ITM2B: variants seen among roughly 807,000 people sequenced by gnomAD.
The protein encoded by ITM2B is integral membrane protein 2B.
ITM2B carries 11 observed loss-of-function variants against 27.8 expected under a neutral mutation model. The observed-to-expected ratio is 0.40, with a 90% CI of 0.25 to 0.66. ITM2B has a LOEUF of 0.66. Among genes scored for constraint, ITM2B ranks in the 30% least tolerant of loss-of-function variants. The probability of loss-of-function intolerance (pLI) is 0.43; values close to 1 mark genes in which losing one functional copy is unlikely to be tolerated. For synonymous variants in ITM2B, 114 were observed against 114.3 expected (o/e 1.00, Z 0.02); for missense variants, 296 against 328.9 (o/e 0.90, Z 0.77).
chr13:48,259,015 G>A, intron 5 of ITM2B, 68 bp downstream of exon 5: 1 of 1,211,900 alleles, frequency 8.3e-7, no homozygotes, highest in Non-Finnish European at 1.2e-6. Context: ...TTTAGGTGAA[G>A]CCTAGTCATT....
chr13:48,236,216 G>T (rs1488094856), intron 1 of ITM2B, among the ~76,000 whole-genome samples: 1 of 152,180 alleles, frequency 6.6e-6, no homozygotes, highest in Non-Finnish European at 1.5e-5. Flanking sequence ...TAGAGCTATA[G>T]AGACAGCAAA....
Position 48,233,374 on chromosome 13 carries a change from C to A in ITM2B, c.14C>A (p.Thr5Lys). 6.4e-7 allele frequency: 1 copy of A among 1,561,504 alleles called. No individual in the cohort carries two copies. Among genetic ancestry groups the A allele is most frequent in the Non-Finnish European group, 8.6e-7 (1 of 1,156,148 alleles). The change falls in exon 1 of 6, where the codon ACG becomes AAG. Residue 5 changes from threonine (T) to lysine (K), a missense_variant. Physicochemically the swap from Thr to Lys is moderately conservative, Grantham distance 78 (BLOSUM62 -1). Coordinates refer to ENST00000647800, the MANE Select transcript of ITM2B (RefSeq NM_021999.5). Reference sequence around the variant, plus strand: ...CCAGGCCGCGCCATGGTGAAGGTGACGTTCAACTCCGCTCTGGCCCAGAAG... The same window carrying A: ...CCAGGCCGCGCCATGGTGAAGGTGAAGTTCAACTCCGCTCTGGCCCAGAAG... MVKVTFNSALAQKEA... is the reference protein window; with the variant it reads MVKVKFNSALAQKEA...
At chr13:48,234,757 G>A (rs1951657333) in intron 1 of ITM2B, among the ~76,000 whole-genome samples, 1 of 152,162 alleles carries the variant, frequency 6.6e-6, no homozygotes, top group Non-Finnish European at 1.5e-5. Context: ...GACTTGCCTT[G>A]CCTTGAAATA....
intron 1 of ITM2B, among the ~76,000 whole-genome samples, chr13:48,237,944 A>T (rs1396724080): frequency 2.6e-5 from 4 of 152,186 alleles, no homozygotes; most frequent in African/African-American, 9.6e-5. Flanking sequence ...ATCCTCTTAA[A>T]TTTTTTGGCA....
intron 2 of ITM2B, among the ~76,000 whole-genome samples, chr13:48,255,538 A>G (rs560811254): frequency 8.0e-4 from 122 of 152,158 alleles, no homozygotes; most frequent in Non-Finnish European, 1.2e-3. Flanking sequence ...CAAGCAGTCC[A>G]TCTGTCTCAG....
intron 3 of ITM2B, 60 bp downstream of exon 3, chr13:48,256,443 A>G (rs1951789639): frequency 1.6e-6 from 2 of 1,267,402 alleles, no homozygotes; most frequent in African/African-American, 1.5e-5. Context: ...TGCTTTTTGT[A>G]GTTTTAATTT....
chr13:48,243,816 CAAAA>C (rs924204395), intron 1 of ITM2B, among the ~76,000 whole-genome samples: 2 of 147,728 alleles, frequency 1.4e-5, no homozygotes, highest in Middle Eastern at 3.4e-3. Flanking sequence ...GACCCTGTCT[CAAAA>C]AAAAATTAAT....
At chr13:48,242,231 A>G (rs1425737559) in intron 1 of ITM2B, among the ~76,000 whole-genome samples, 2 of 152,106 alleles carry the variant, frequency 1.3e-5, no homozygotes, top group Non-Finnish European at 1.5e-5. Flanking sequence ...CCATTCTTGT[A>G]TAACAACTTT....
chr13:48,261,116 A>G (rs773938417), intron 5 of ITM2B, 23 bp from the exon 6 acceptor site: 12 of 1,565,370 alleles, frequency 7.7e-6, no homozygotes, highest in Non-Finnish European at 9.6e-6. Context: ...AAATTTTAAA[A>G]AACTTTTTTC....
At chr13:48,252,683 C>G (rs7984795) in intron 1 of ITM2B, among the ~76,000 whole-genome samples, 52,306 of 152,046 alleles carry the variant, frequency 0.34, 9,946 homozygotes, top group African/African-American at 0.52. Context: ...GTTTTTCTTT[C>G]TAATTTTATA....
At chr13:48,249,462 C>T (rs888149788) in intron 1 of ITM2B, among the ~76,000 whole-genome samples, 6 of 152,122 alleles carry the variant, frequency 3.9e-5, no homozygotes, top group African/African-American at 1.4e-4. Flanking sequence ...ATTTTTGACT[C>T]AGTTGATTTT....
chr13:48,234,111 A>G (rs753703032), intron 1 of ITM2B, among the ~76,000 whole-genome samples: 4 of 152,324 alleles, frequency 2.6e-5, no homozygotes, highest in Middle Eastern at 6.8e-3. Flanking sequence ...AGTAAAGGCC[A>G]GTAATGACTA....
Position 48,240,298 on chromosome 13 carries a change from C to T in ITM2B, c.117+6821C>T, listed in dbSNP as rs559080524. Among the ~76,000 whole-genome samples the T allele has an allele frequency of 3.2e-3, 492 of 152,214 alleles. 8 individuals carry two copies. The highest frequency in any genetic ancestry group is 0.011 in the African/African-American group (475 of 41,538). ...TTGGCTCACTGCAGCCTCTGCCTCC[C>T]GGGTTCAAGTGATTCTCCTGCCTCA... On this transcript the variant is annotated intron_variant, in intron 1 of 5. Coordinates refer to ENST00000647800, the MANE Select transcript of ITM2B (RefSeq NM_021999.5).
At chr13:48,253,669 G>C in intron 1 of ITM2B, 139 bp from the exon 2 acceptor site, 1 of 849,554 alleles carries the variant, frequency 1.2e-6, no homozygotes, top group South Asian at 1.4e-5. Flanking sequence ...TTCCTGGGTT[G>C]ATTTTGATGA....
At chr13:48,245,554 T>C (rs1951719804) in intron 1 of ITM2B, among the ~76,000 whole-genome samples, 1 of 152,080 alleles carries the variant, frequency 6.6e-6, no homozygotes, top group South Asian at 2.1e-4. Context: ...GTTTTTTTTT[T>C]CAAGTTCCAA....
chr13:48,268,037 G>A lies in ITM2B; in HGVS notation c.*6813G>A, dbSNP rs1350557750. ...TTTCATTGCCCCAGAAAATACCATT[G>A]TGCTCCTTTCCGGCAAATATTCCTT... On this transcript the variant is annotated 3_prime_UTR_variant, in exon 6 of 6. Transcript: ENST00000647800. The A allele has an allele frequency of 9.9e-5, 15 of 152,120 alleles. No homozygotes were observed. 9.4% of individuals were successfully genotyped at this position (152,120 alleles called of 1,614,324 possible).
At chr13:48,257,664 A>G (rs1339935007) in intron 3 of ITM2B, among the ~76,000 whole-genome samples, 5 of 152,220 alleles carry the variant, frequency 3.3e-5, no homozygotes, top group African/African-American at 4.8e-5. Flanking sequence ...TCTATGAGAC[A>G]GTCTTTCTCA....
At chr13:48,252,348 C>A (rs1467930645) in intron 1 of ITM2B, among the ~76,000 whole-genome samples, 1 of 152,258 alleles carries the variant, frequency 6.6e-6, no homozygotes, top group Admixed American at 6.5e-5. Context: ...AGTACCGGAA[C>A]TGGTCTTGGC....
In ITM2B at chr13:48,261,106, A is replaced by G. The variant is rs1233224263; in HGVS notation, c.716-33A>G. 2.8e-6 allele frequency: 4 copies of G among 1,441,990 alleles called. 1 individual carries two copies. The highest frequency in any genetic ancestry group is 2.4e-5 in the South Asian group (2 of 84,954). 89.3% of individuals were successfully genotyped at this position (1,441,990 alleles called of 1,614,324 possible). A position where few individuals can be genotyped will look rare whatever the true frequency, so the allele number is the denominator to read the frequency against. On this transcript the variant is annotated intron_variant, in intron 5 of 5. Coordinates refer to ENST00000647800, the MANE Select transcript of ITM2B (RefSeq NM_021999.5). ...GTGAATATTTATTATTAAAGAATCA[A>G]AATTTTAAAAAACTTTTTTCCCTCT...
Sources: gnomAD v4.1 joint callset for allele counts (sites outside exome capture counted in the v4.1 genomes callset) on GRCh38, gnomAD v4.1.1 for gene constraint, MANE v1.5 for transcripts, NCBI Gene and HGNC (gene_info 2026-07-23, HGNC 2026-07-21) for gene names.